The following ITPK1 variants were observed in gnomAD, a reference collection of about 807,000 sequenced individuals.
ITPK1 encodes inositol-tetrakisphosphate 1-kinase.
In ITPK1, 21 loss-of-function variants were observed where a neutral mutation model predicts 45.3. The ratio of observed to expected loss-of-function variants is 0.46; its 90% confidence interval spans 0.33 to 0.67. The LOEUF is 0.67. Ranked by LOEUF, ITPK1 falls within the 30% of genes least tolerant of loss-of-function variation. The pLI, the probability that ITPK1 is intolerant of heterozygous loss-of-function variation, is 0.02. For synonymous variants in ITPK1, 258 were observed against 253.6 expected (o/e 1.02, Z -0.16); for missense variants, 474 against 573.5 (o/e 0.83, Z 1.77).
intron 9 of ITPK1, among the ~76,000 whole-genome samples, chr14:92,947,940 C>T (rs1030836489): frequency 4.6e-5 from 7 of 152,156 alleles, no homozygotes; most frequent in Non-Finnish European, 8.8e-5. Context: ...TTATTCATAC[C>T]CCAGCGTGCA....
At chr14:92,981,030 G>A (rs1318771053) in intron 5 of ITPK1, among the ~76,000 whole-genome samples, 2 of 152,102 alleles carry the variant, frequency 1.3e-5, no homozygotes, top group Admixed American at 6.5e-5. Context: ...TTTCTTGGCC[G>A]CCGTGGAGAC....
chr14:93,042,418 G>C (rs1378472926), intron 3 of ITPK1, among the ~76,000 whole-genome samples: 1 of 152,152 alleles, frequency 6.6e-6, no homozygotes, highest in Non-Finnish European at 1.5e-5. Context: ...CACATGTTTG[G>C]GTCACCAAAA....
At chr14:93,107,567 T>C (rs983394645) in intron 2 of ITPK1, among the ~76,000 whole-genome samples, 9 of 152,146 alleles carry the variant, frequency 5.9e-5, no homozygotes, top group Admixed American at 5.9e-4. Context: ...GCAGGTGGCC[T>C]CTGCCACAGG....
chr14:93,105,273 G>T lies in ITPK1; in HGVS notation c.95+9796C>A, dbSNP rs145054499. 3.9e-5 allele frequency among the ~76,000 whole-genome samples: 6 copies of T among 152,154 alleles called. No individual in the cohort carries two copies. The East Asian group carries it at 7.7e-4, about 20-fold the overall frequency. On this transcript the variant is annotated intron_variant, in intron 2 of 10. Coordinates refer to ENST00000267615, the MANE Select transcript of ITPK1 (RefSeq NM_014216.6). ...CTGGCTCCAGCAAACCTCCTGGAGGGGACCTGCCCCTGAGAAGTCTGAAAC... is the reference window on the plus strand; with the variant it reads ...CTGGCTCCAGCAAACCTCCTGGAGGTGACCTGCCCCTGAGAAGTCTGAAAC...
At chr14:92,965,933 G>A (rs1408097903) in intron 5 of ITPK1, among the ~76,000 whole-genome samples, 2 of 152,230 alleles carry the variant, frequency 1.3e-5, no homozygotes, top group Non-Finnish European at 2.9e-5. Context: ...AATGCAGGAG[G>A]TGGAGGTTGA....
At chr14:92,968,755 G>A (rs1335006462) in intron 5 of ITPK1, among the ~76,000 whole-genome samples, 1 of 152,190 alleles carries the variant, frequency 6.6e-6, no homozygotes, top group Non-Finnish European at 1.5e-5. Context: ...TTGTTCATTC[G>A]TCCCAGGCTG....
chr14:93,052,105 C>A (rs1269074050), intron 3 of ITPK1, among the ~76,000 whole-genome samples: 1 of 152,198 alleles, frequency 6.6e-6, no homozygotes, highest in African/African-American at 2.4e-5. Flanking sequence ...GTGGCAGAGT[C>A]CCCAGGCCAA....
chr14:93,059,986 A>G (rs917789993), intron 3 of ITPK1, among the ~76,000 whole-genome samples: 1 of 151,952 alleles, frequency 6.6e-6, no homozygotes, highest in East Asian at 1.9e-4. Context: ...TGACTGCCGT[A>G]GAACGCAGCA....
chr14:93,004,679 C>T (rs953492235), intron 4 of ITPK1, among the ~76,000 whole-genome samples: 1 of 151,970 alleles, frequency 6.6e-6, no homozygotes, highest in African/African-American at 2.4e-5. Flanking sequence ...AGAGCAGCCA[C>T]ATTCTCCCCA....
chr14:93,007,299 A>G (rs1157380971), intron 4 of ITPK1, among the ~76,000 whole-genome samples: 1 of 152,180 alleles, frequency 6.6e-6, no homozygotes, highest in Non-Finnish European at 1.5e-5. Context: ...ACAGAAGAGC[A>G]GCTTCCCTAC....
At position 92,946,487 on chromosome 14, in the gene ITPK1, T is replaced by G; in HGVS notation, c.745A>C (p.Lys249Gln). 1 of 1,612,518 alleles carries G rather than the reference T, an allele frequency of 6.2e-7. No homozygotes were observed. Among genetic ancestry groups the G allele is most frequent in the Non-Finnish European group, 8.5e-7 (1 of 1,179,930 alleles). Reference sequence around the variant, plus strand: ...GGCCGCTCGAACACGCCCTCGATCTTGTCCAGCTGCCAACATACACAAGGA... The same window carrying G: ...GGCCGCTCGAACACGCCCTCGATCTGGTCCAGCTGCCAACATACACAAGGA... ...ESSSVLTELD[K>Q]IEGVFERPSD... The change falls in exon 10 of 11, where the codon AAG becomes CAG. Residue 249 changes from lysine (K) to glutamine (Q), a missense_variant. Around this residue, in one of 2 missense-constraint regions of ITPK1, gnomAD observed 367 missense variants for 480.6 expected, o/e 0.76. Transcript: ENST00000267615.
chr14:93,049,122 C>T, intron 3 of ITPK1, among the ~76,000 whole-genome samples: 1 of 152,096 alleles, frequency 6.6e-6, no homozygotes, highest in South Asian at 2.1e-4. Context: ...TGAAGATCTG[C>T]TGAGAAGGAA....
intron 3 of ITPK1, among the ~76,000 whole-genome samples, chr14:93,075,711 G>A (rs570360297): frequency 1.5e-4 from 23 of 152,170 alleles, no homozygotes; most frequent in Non-Finnish European, 2.9e-4. Context: ...CTCCCCAGTG[G>A]GCTTTTTGAA....
Position 92,939,852 on chromosome 14 carries a change from A to C in ITPK1, c.*1709T>G. The C allele has an allele frequency of 2.0e-6, 2 of 985,834 alleles. No individual in the cohort carries two copies. Among genetic ancestry groups the C allele is most frequent in the Non-Finnish European group, 2.4e-6 (2 of 829,948 alleles). 61.1% of individuals were successfully genotyped at this position (985,834 alleles called of 1,614,324 possible). A position where few individuals can be genotyped will look rare whatever the true frequency, so the allele number is the denominator to read the frequency against. ...ACAAACTTGAGCAACATGTGTAAAC[A>C]CGTGTGAAATGCGGTTTGATTTCAG... On this transcript the variant is annotated 3_prime_UTR_variant, in exon 11 of 11. Transcript: ENST00000267615.
rs761191333 is a variant in ITPK1 at position 93,076,606 on chromosome 14, C to G, written c.109G>C (p.Glu37Gln). 6.2e-7 allele frequency: 1 copy of G among 1,614,194 alleles called. No individual in the cohort carries two copies. Among genetic ancestry groups the G allele is most frequent in the Non-Finnish European group, 8.5e-7 (1 of 1,180,026 alleles). The change falls in exon 3 of 11, where the codon GAG (glutamate) becomes CAG (glutamine). Residue 37 changes from glutamate to glutamine, a missense_variant. By Grantham distance (29) the Glu-to-Gln change is conservative (BLOSUM62 2). Transcript: ENST00000267615. This position sits in a 1 kb window ranked among gnomAD's most constrained non-coding sequence, Gnocchi z 4.3. ...CGGTCTGTACTCACCTGCACAACCT[C>G]CATCCCTCGCTTCCTGTGGAGAAAA... ...FAELCRKRGMEVVQLNLSRPI... is the reference protein window; with the variant it reads ...FAELCRKRGMQVVQLNLSRPI...
rs1355500309 is a variant in ITPK1, at chr14:92,941,588, G to C, written c.1218C>G (p.Ser406=). The C allele has an allele frequency of 6.5e-7, 1 of 1,537,076 alleles. No individual in the cohort carries two copies. Among genetic ancestry groups the C allele is most frequent in the South Asian group, 1.2e-5 (1 of 83,322 alleles). The change falls in exon 11 of 11, where the codon TCC becomes TCG. Residue 406 remains serine, a synonymous_variant. Transcript: ENST00000267615. ...ACTGGGAGGAGGCCTTGGTGGCCAG[G>C]GAGGCCACACAATGCTGCTGGAAGC... The part of the protein sequence containing the change: ...SPSFQQHCVA[S]LATKASSQ
chr14:92,995,267 C>T (rs892958230), intron 4 of ITPK1, among the ~76,000 whole-genome samples: 2 of 152,194 alleles, frequency 1.3e-5, no homozygotes, highest in African/African-American at 4.8e-5. Context: ...CCAGCCAGCC[C>T]CCCTGCCCTC....
rs547006265 is a variant in ITPK1 at position 93,009,125 on chromosome 14, A to G, written c.246+7551T>C. On this transcript the variant is annotated intron_variant, in intron 4 of 10. Coordinates refer to ENST00000267615, the MANE Select transcript of ITPK1 (RefSeq NM_014216.6). ...GGCATCTGGTAATGAGCAGCCGGGAAGGCAACTAAGCACCCTGTATTGCCT... is the reference window on the plus strand; with the variant it reads ...GGCATCTGGTAATGAGCAGCCGGGAGGGCAACTAAGCACCCTGTATTGCCT... Among the ~76,000 whole-genome samples the G allele has an allele frequency of 2.0e-5, 3 of 152,312 alleles. No homozygotes were observed. In the East Asian group the frequency reaches 5.8e-4, roughly 29 times the overall value.
chr14:93,023,937 T>C (rs549970966), intron 3 of ITPK1, among the ~76,000 whole-genome samples: 1 of 152,224 alleles, frequency 6.6e-6, no homozygotes, highest in African/African-American at 2.4e-5. Context: ...TTGTTCACAG[T>C]GGCACCTGAG....
Sources: allele counts gnomAD v4.1 joint callset (sites outside exome capture counted in the v4.1 genomes callset), GRCh38; gene constraint gnomAD v4.1.1; regional missense constraint gnomAD v4.1.1; non-coding constraint Gnocchi (gnomAD v3.1); transcripts MANE v1.5; gene names NCBI Gene and HGNC (gene_info 2026-07-23, HGNC 2026-07-21).